The following PIDD1 variants were observed in gnomAD, a reference collection of about 807,000 sequenced individuals.
PIDD1 encodes p53-induced death domain protein 1, also known as p53-induced death domain-containing protein 1.
PIDD1 carries 72 observed loss-of-function variants against 80.0 expected under a neutral mutation model. The ratio of observed to expected loss-of-function variants is 0.90; its 90% CI spans 0.74 to 1.09. The LOEUF (loss-of-function observed/expected upper bound fraction) is 1.09, where lower values mean the gene tolerates loss of function less well. PIDD1 is among the 50% of genes least tolerant of loss of function. The probability of loss-of-function intolerance (pLI) is 0.00; values close to 1 mark genes in which losing one functional copy is unlikely to be tolerated. For synonymous variants in PIDD1, 655 were observed against 543.5 expected (o/e 1.21, Z -2.85); for missense variants, 1,329 against 1,228.3 (o/e 1.08, Z -1.23).
intron 13 of PIDD1, 30 bp downstream of exon 13, chr11:800,303 C>A: frequency 6.2e-7 from 1 of 1,612,600 alleles, no homozygotes. Flanking sequence ...GCCTGGGGGG[C>A]CTCTCCCCTC....
At chr11:805,614 A>T, upstream of PIDD1, 2 of 985,008 alleles carry the variant, frequency 2.0e-6, no homozygotes, top group Non-Finnish European at 2.4e-6. Flanking sequence ...CCCCGCACCC[A>T]CCCCTGCTAC....
At chr11:806,804 C>G (rs1055619232), upstream of PIDD1, among the ~76,000 whole-genome samples, 1 of 150,734 alleles carries the variant, frequency 6.6e-6, no homozygotes. Flanking sequence ...AGGATGTTCT[C>G]GAACTCCTGA....
Position 802,079 on chromosome 11 carries a change from C to T in PIDD1, c.1188G>A (p.Leu396=), listed in dbSNP as rs952586120. The T allele has an allele frequency of 1.9e-6, 3 of 1,579,196 alleles. No individual in the cohort carries two copies. In the South Asian group the frequency reaches 3.5e-5, roughly 18 times the overall value. Residue 396 remains leucine (L), a synonymous_variant, in exon 7 of 16, where the codon CTG becomes CTA. Coordinates refer to ENST00000347755, the MANE Select transcript of PIDD1 (RefSeq NM_145886.4). ...CCTGCGGTGGGGTGAAGAGCAGCCA[C>T]AGCCCCACATCCTGCCAGACAAGGA... The part of the protein sequence containing the change: ...HGVAFQQDVG[L]WLLFTPPQAR...
chr11:799,873 C>CGGCTG lies in PIDD1; in HGVS notation c.2411_2415dup (p.Val806GlnfsTer140). ...TAGGACACCCCCAGGTGCAGGGCCACGGCTGGCCAGTCCAGACCCAGACGC... is the reference window on the plus strand; with the variant it reads ...TAGGACACCCCCAGGTGCAGGGCCACGGCTGGGCTGGCCAGTCCAGACCCAGACGC... On this transcript the variant is annotated frameshift_variant, in exon 15 of 16. Coordinates refer to ENST00000347755, the MANE Select transcript of PIDD1 (RefSeq NM_145886.4). LOFTEE classifies it high-confidence loss of function. 6.2e-7 allele frequency: 1 copy of CGGCTG among 1,610,980 alleles called. No homozygotes were observed. The highest frequency in any genetic ancestry group is 8.5e-7 in the Non-Finnish European group (1 of 1,179,564).
Position 799,217 on chromosome 11 carries a change from G to T in PIDD1, c.*90C>A. 1 of 1,294,710 alleles carries T rather than the reference G, an allele frequency of 7.7e-7. No individual in the cohort carries two copies. 80.2% of individuals were successfully genotyped at this position (1,294,710 alleles called of 1,614,324 possible). On this transcript the variant is annotated 3_prime_UTR_variant, in exon 16 of 16. Coordinates refer to ENST00000347755, the MANE Select transcript of PIDD1 (RefSeq NM_145886.4). ...ACAGTGCAGTTTTGTTGCTCACAGGGACCCGTCCCCACACACTGGAGAGAC... is the reference window on the plus strand; with the variant it reads ...ACAGTGCAGTTTTGTTGCTCACAGGTACCCGTCCCCACACACTGGAGAGAC...
upstream of PIDD1, among the ~76,000 whole-genome samples, chr11:808,393 C>G: frequency 6.6e-6 from 1 of 151,064 alleles, no homozygotes; most frequent in Non-Finnish European, 1.5e-5. Context: ...CACCAGTGCA[C>G]TCCAACCTGG....
In PIDD1 at chr11:801,507, G is replaced by C; in HGVS notation, c.1420C>G (p.Pro474Ala). ...EGTLLCSSGH[P>A]GVKVIFPPGA... is the part of the protein sequence containing the mutation. Reference sequence around the variant, plus strand: ...GGGGGGAAGATGACTTTGACCCCAGGATGACCCGAGGAGCACAGCAGTGTC... The same window carrying C: ...GGGGGGAAGATGACTTTGACCCCAGCATGACCCGAGGAGCACAGCAGTGTC... Residue 474 changes from proline (P) to alanine (A), a missense_variant, in exon 8 of 16, where the codon CCT becomes GCT. Pro to Ala is a conservative substitution (Grantham distance 27, BLOSUM62 -1). Transcript: ENST00000347755. The C allele has an allele frequency of 6.4e-7, 1 of 1,552,794 alleles. No homozygotes were observed. Among genetic ancestry groups the C allele is most frequent in the Non-Finnish European group, 8.7e-7 (1 of 1,147,518 alleles).
At position 800,429 on chromosome 11, in the gene PIDD1, G is replaced by A; in HGVS notation, c.2064C>T (p.Gly688=). The A allele has an allele frequency of 6.6e-7, 1 of 1,511,676 alleles. No homozygotes were observed. The highest frequency in any genetic ancestry group is 9.1e-7 in the Non-Finnish European group (1 of 1,100,864). 93.6% of individuals were successfully genotyped at this position (1,511,676 alleles called of 1,614,324 possible). ...VDADRPDCVE[G]RICFVFYSHL... ...GCGAGTAGAAGACAAAGCAGATTCT[G>A]CCCTCCACACAGTCAGGGCGGTCTA... Residue 688 remains glycine, a synonymous_variant, in exon 13 of 16, where the codon GGC becomes GGT. Coordinates refer to ENST00000347755, the MANE Select transcript of PIDD1 (RefSeq NM_145886.4).
At chr11:807,363 C>T (rs952571647), upstream of PIDD1, among the ~76,000 whole-genome samples, 2 of 151,498 alleles carry the variant, frequency 1.3e-5, no homozygotes, top group Non-Finnish European at 2.9e-5. Context: ...CCTGTAGTCC[C>T]AGCTACTCGG....
Position 799,373 on chromosome 11 carries a change from C to G in PIDD1, c.2667G>C (p.Leu889Phe). 4 of 1,611,738 alleles carry G rather than the reference C, an allele frequency of 2.5e-6. No homozygotes were observed. The highest frequency in any genetic ancestry group is 3.4e-6 in the Non-Finnish European group (4 of 1,179,872). ...CAGGCAGAGCGGGGTCCTTGGGGGC[C>G]AAGCCCATGCGTCGGATGCTGTCCT... ...KYQDSIRRMG[L>F]APKDPALPGS... The change falls in exon 16 of 16, where the codon TTG (leucine) becomes TTC (phenylalanine). Residue 889 changes from leucine to phenylalanine, a missense_variant. Leu to Phe is a conservative substitution (Grantham distance 22, BLOSUM62 0). Coordinates refer to ENST00000347755, the MANE Select transcript of PIDD1 (RefSeq NM_145886.4).
chr11:799,705 G>T lies in PIDD1; in HGVS notation c.2474+110C>A. On this transcript the variant is annotated intron_variant, in intron 15 of 15. Transcript: ENST00000347755. ...ACCTTTCCTTTCCAGCCTGGTGTTT[G>T]CCCTTCCCCCACCTCCCCTGGAAGA... is the stretch of plus-strand genomic sequence containing the variant. 3 of 1,373,782 alleles carry T rather than the reference G, an allele frequency of 2.2e-6. No homozygotes were observed. In the South Asian group the frequency reaches 4.4e-5, roughly 20 times the overall value. The allele number at this position is 1,373,782 out of a possible 1,614,324, so 85.1% of individuals were successfully genotyped here. A position where few individuals can be genotyped will look rare whatever the true frequency, so the allele number is the denominator to read the frequency against.
chr11:806,912 C>T (rs1865801564), upstream of PIDD1, among the ~76,000 whole-genome samples: 1 of 152,210 alleles, frequency 6.6e-6, no homozygotes, highest in Non-Finnish European at 1.5e-5. Flanking sequence ...CAACCACAGG[C>T]CTGATGCTGT....
rs1318091104 is a variant in PIDD1, at chr11:801,043, G to A, written c.1708C>T (p.Gln570Ter). ...PAATWDDITA[Q>*]VVLELTHLYA... is the part of the protein sequence containing the mutation. Reference sequence around the variant, plus strand: ...AGGTGGGTGAGCTCCAGGACCACCTGAGCTGTGATGTCATCCCAGGTGGCT... The same window carrying A: ...AGGTGGGTGAGCTCCAGGACCACCTAAGCTGTGATGTCATCCCAGGTGGCT... The change falls in exon 10 of 16, where the codon CAG (glutamine) becomes TAG (stop). Residue 570 changes from glutamine to a stop codon, truncating the protein, a stop_gained. Coordinates refer to ENST00000347755, the MANE Select transcript of PIDD1 (RefSeq NM_145886.4). LOFTEE classifies it high-confidence loss of function. 1 of 1,601,354 alleles carries A rather than the reference G, an allele frequency of 6.2e-7. No individual in the cohort carries two copies. Among genetic ancestry groups the A allele is most frequent in the African/African-American group, 1.3e-5 (1 of 74,780 alleles).
rs117481321 is a variant in PIDD1, at chr11:800,574, C to T, written c.2010G>A (p.Ala670=). ...VEMFEGEEFF[A]AFERGIDVDA... is the part of the protein sequence containing the mutation. ...CCACGTCGATGCCGCGCTCGAAGGC[C>T]GCAAAGAACTCTTCGCCCTCGAACA... Residue 670 remains alanine, a synonymous_variant, in exon 12 of 16, where the codon GCG becomes GCA. Coordinates refer to ENST00000347755, the MANE Select transcript of PIDD1 (RefSeq NM_145886.4). 1.8e-5 allele frequency: 28 copies of T among 1,569,390 alleles called. No homozygotes were observed. Among genetic ancestry groups the T allele is most frequent in the African/African-American group, 5.6e-5 (4 of 71,012 alleles).
upstream of PIDD1, chr11:805,727 G>C (rs1270546368): frequency 4.3e-5 from 42 of 968,508 alleles, no homozygotes; most frequent in Non-Finnish European, 5.0e-5. Context: ...CCTTCCTTTC[G>C]AGCCATCACT....
intron 2 of PIDD1, 98 bp from the exon 3 acceptor site, chr11:803,685 C>CCTCCCACCCCA: frequency 7.3e-7 from 1 of 1,376,934 alleles, no homozygotes; most frequent in Admixed American, 2.1e-5. Flanking sequence ...GAGGCACAGA[C>CCTCCCACCCCA]CTCCCACCCC....
chr11:805,735 A>T, upstream of PIDD1: 1 of 956,564 alleles, frequency 1.0e-6, no homozygotes, highest in South Asian at 4.8e-5. Context: ...TCGAGCCATC[A>T]CTCTGGGCCA....
chr11:808,301 C>T (rs555256189), upstream of PIDD1, among the ~76,000 whole-genome samples: 2 of 152,074 alleles, frequency 1.3e-5, no homozygotes, highest in Admixed American at 6.5e-5. Context: ...GTAGTGGGTG[C>T]CTGTAATCCC....
rs145877817 is a variant in PIDD1, at chr11:802,257, G to T, written c.1114C>A (p.Pro372Thr). 3 of 1,611,762 alleles carry T rather than the reference G, an allele frequency of 1.9e-6. No homozygotes were observed. The highest frequency in any genetic ancestry group is 2.5e-6 in the Non-Finnish European group (3 of 1,179,556). Residue 372 changes from proline to threonine, a missense_variant, in exon 6 of 16, where the codon CCT (proline) becomes ACT (threonine). By Grantham distance (38) the Pro-to-Thr change is conservative (BLOSUM62 -1). Coordinates refer to ENST00000347755, the MANE Select transcript of PIDD1 (RefSeq NM_145886.4). ...LPEPGLVPLG[P>T]HDALLSHVLE... ...ACATGGCTGAGCAGGGCGTCATGAG[G>T]ACCCAGGGGGACGAGGCCTGGCTCC...
Sources: allele counts gnomAD v4.1 joint callset (sites outside exome capture counted in the v4.1 genomes callset), GRCh38; gene constraint gnomAD v4.1.1; transcripts MANE v1.5; gene names NCBI Gene and HGNC (gene_info 2026-07-23, HGNC 2026-07-21).